Variants in CRPPA observed in about 807,000 individuals in gnomAD.
The protein encoded by CRPPA is D-ribitol-5-phosphate cytidylyltransferase.
A neutral mutation model predicts 52.0 loss-of-function variants in CRPPA; 43 were observed. That is an observed-to-expected ratio of 0.83 (90% CI 0.65 to 1.07). The LOEUF is 1.07. Ranked by LOEUF, CRPPA falls within the 50% of genes least tolerant of loss-of-function variation. CRPPA has a pLI of 0.00. For missense variants in CRPPA, 629 were observed against 551.7 expected (o/e 1.14, Z -1.40); for synonymous variants, 250 against 203.5 (o/e 1.23, Z -1.94).
intron 9 of CRPPA, among the ~76,000 whole-genome samples, chr7:16,195,869 T>C (rs1187073643): frequency 6.6e-6 from 1 of 152,058 alleles, no homozygotes; most frequent in Non-Finnish European, 1.5e-5. Context: ...CCAGGCCAGA[T>C]TCCTTTGTTC....
intron 3 of CRPPA, among the ~76,000 whole-genome samples, chr7:16,359,753 TATGAG>T (rs903974454): frequency 3.3e-4 from 50 of 152,314 alleles, no homozygotes; most frequent in African/African-American, 1.2e-3. Context: ...AACTACTGCT[TATGAG>T]ATAATAAGTC....
rs923090552 is a variant in CRPPA, at chr7:16,087,644, A to G, written c.*4051T>C. ...TGCATATGCTTCTTACAATTTTGAA[A>G]CTGAAATTAATAAGAACATATATAA... On this transcript the variant is annotated 3_prime_UTR_variant, in exon 10 of 10. Coordinates refer to ENST00000407010, the MANE Select transcript of CRPPA (RefSeq NM_001101426.4). 2.0e-5 allele frequency: 3 copies of G among 152,072 alleles called. No individual in the cohort carries two copies. The South Asian group carries it at 6.2e-4, about 31-fold the overall frequency. 9.4% of individuals were successfully genotyped at this position (152,072 alleles called of 1,614,324 possible). A position where few individuals can be genotyped will look rare whatever the true frequency, so the allele number is the denominator to read the frequency against.
At position 16,353,286 on chromosome 7, in the gene CRPPA, A is replaced by AG. The variant is rs1469609388; in HGVS notation, c.684+22805dup. Among the ~76,000 whole-genome samples the AG allele has an allele frequency of 2.0e-5, 3 of 152,220 alleles. No individual in the cohort carries two copies. In the East Asian group the frequency reaches 5.8e-4, roughly 30 times the overall value. On this transcript the variant is annotated intron_variant, in intron 3 of 9. Transcript: ENST00000407010. ...GAAAATTGCTTGAGCCCAGGAGTAG[A>AG]GGGTGCAGTGAGCTATGACTGAGCC...
chr7:16,245,643 C>A (rs1301175949), intron 8 of CRPPA, among the ~76,000 whole-genome samples: 1 of 152,154 alleles, frequency 6.6e-6, no homozygotes, highest in Non-Finnish European at 1.5e-5. Flanking sequence ...AATATCACCA[C>A]ACTAAGTCAG....
At chr7:16,402,615 G>A (rs7793920) in intron 2 of CRPPA, among the ~76,000 whole-genome samples, 15,346 of 151,918 alleles carry the variant, frequency 0.1, 950 homozygotes, top group East Asian at 0.25. Context: ...GAGATTAATC[G>A]TACATGATAA....
At chr7:16,227,620 A>T (rs1314047099) in intron 8 of CRPPA, among the ~76,000 whole-genome samples, 1 of 151,800 alleles carries the variant, frequency 6.6e-6, no homozygotes, top group Non-Finnish European at 1.5e-5. Flanking sequence ...TCTGATATTA[A>T]GCCCTTATGA....
intron 3 of CRPPA, among the ~76,000 whole-genome samples, chr7:16,322,291 G>C (rs1785281432): frequency 6.6e-6 from 1 of 152,138 alleles, no homozygotes; most frequent in Non-Finnish European, 1.5e-5. Context: ...TGATGACTTA[G>C]AAGATAATTT....
In CRPPA at chr7:16,324,207, C is replaced by G. The variant is rs143601398; in HGVS notation, c.685-15580G>C. ...AGGGAATGGACTAAGGCCTTCATGT[C>G]CCTCCCTCACTGGCTGAGAGCTAAG... On this transcript the variant is annotated intron_variant, in intron 3 of 9. Coordinates refer to ENST00000407010, the MANE Select transcript of CRPPA (RefSeq NM_001101426.4). Among the ~76,000 whole-genome samples, 159 of 152,266 alleles carry G rather than the reference C, an allele frequency of 1.0e-3. 1 individual carries two copies. Among genetic ancestry groups the G allele is most frequent in the African/African-American group, 3.5e-3 (146 of 41,552 alleles).
intron 9 of CRPPA, among the ~76,000 whole-genome samples, chr7:16,140,214 C>T (rs1258190854): frequency 1.3e-5 from 2 of 152,086 alleles, no homozygotes; most frequent in Non-Finnish European, 2.9e-5. Context: ...GTGGTGTGAT[C>T]TCAGTTCACT....
chr7:16,286,095 A>C (rs1482913627), intron 5 of CRPPA, among the ~76,000 whole-genome samples: 1 of 26,528 alleles, frequency 3.8e-5, no homozygotes, highest in Admixed American at 3.4e-4. Context: ...TTTAAAAAAA[A>C]AAATATATAT....
At chr7:16,166,930 CTTT>C (rs34531146) in intron 9 of CRPPA, among the ~76,000 whole-genome samples, 5,745 of 139,952 alleles carry the variant, frequency 0.041, 326 homozygotes, top group African/African-American at 0.13. Context: ...TTCCAACCTA[CTTT>C]TTTTTTTTTT....
chr7:16,387,893 A>G (rs1167602882), intron 2 of CRPPA, among the ~76,000 whole-genome samples: 1 of 152,234 alleles, frequency 6.6e-6, no homozygotes, highest in African/African-American at 2.4e-5. Flanking sequence ...CTGGACCATA[A>G]AACAAGTTAT....
chr7:16,246,323 T>C (rs1255736372), intron 8 of CRPPA, among the ~76,000 whole-genome samples: 1 of 152,200 alleles, frequency 6.6e-6, no homozygotes, highest in Non-Finnish European at 1.5e-5. Context: ...TTCAGTCATA[T>C]ATTCAGACTC....
intron 3 of CRPPA, among the ~76,000 whole-genome samples, chr7:16,370,176 C>G (rs927403193): frequency 6.6e-6 from 1 of 152,188 alleles, no homozygotes; most frequent in African/African-American, 2.4e-5. Flanking sequence ...AAGCTCACAA[C>G]TGAATTCTGT....
intron 4 of CRPPA, among the ~76,000 whole-genome samples, chr7:16,304,572 C>A (rs372941424): frequency 1.3e-5 from 2 of 152,174 alleles, no homozygotes; most frequent in Admixed American, 6.5e-5. Flanking sequence ...ACCCAGGAGG[C>A]AGAGGTTGCA....
At chr7:16,134,900 T>C (rs867187017) in intron 9 of CRPPA, among the ~76,000 whole-genome samples, 3 of 152,208 alleles carry the variant, frequency 2.0e-5, no homozygotes, top group Non-Finnish European at 2.9e-5. Context: ...AAGTGAATAC[T>C]ATGTAATTTT....
intron 9 of CRPPA, among the ~76,000 whole-genome samples, chr7:16,123,979 T>A (rs942047122): frequency 1.3e-5 from 2 of 152,200 alleles, no homozygotes; most frequent in Admixed American, 1.3e-4. Context: ...TGATTTCCTA[T>A]CTTGGCTATT....
intron 3 of CRPPA, among the ~76,000 whole-genome samples, chr7:16,352,301 A>C (rs1786176684): frequency 6.6e-6 from 1 of 152,056 alleles, no homozygotes; most frequent in South Asian, 2.1e-4. Flanking sequence ...ACATTAGGAC[A>C]AAAAACTTAG....
intron 9 of CRPPA, among the ~76,000 whole-genome samples, chr7:16,116,304 T>A (rs1193795580): frequency 6.6e-6 from 1 of 152,058 alleles, no homozygotes; most frequent in Admixed American, 6.5e-5. Flanking sequence ...AGCAGAGAAA[T>A]CTAAATGAGG....
Sources: allele counts gnomAD v4.1 joint callset (sites outside exome capture counted in the v4.1 genomes callset), GRCh38; gene constraint gnomAD v4.1.1; transcripts MANE v1.5; gene names NCBI Gene and HGNC (gene_info 2026-07-23, HGNC 2026-07-21).